ASPHD1: variants seen among roughly 807,000 people sequenced by gnomAD.
ASPHD1 encodes aspartate beta-hydroxylase domain-containing protein 1.
ASPHD1 carries 20 observed loss-of-function variants against 28.3 expected under a neutral mutation model. That is an observed-to-expected ratio of 0.71 (90% CI 0.50 to 1.03). The LOEUF is 1.03. ASPHD1 is among the 50% of genes least tolerant of loss of function. The probability of loss-of-function intolerance (pLI) is 0.00; values close to 1 mark genes in which losing one functional copy is unlikely to be tolerated. For missense variants in ASPHD1, 479 were observed against 524.1 expected (o/e 0.91, Z 0.84); for synonymous variants, 240 against 221.2 (o/e 1.08, Z -0.75).
chr16:29,907,991 AAG>A (rs574753177), downstream of ASPHD1, among the ~76,000 whole-genome samples: 3 of 151,260 alleles, frequency 2.0e-5, no homozygotes, highest in African/African-American at 7.3e-5. Context: ...AAAAAAAAAA[AAG>A]AGAGAGAGAG....
chr16:29,905,629 GAAAAAAAAAAAAAA>G (rs770029376), intron 2 of ASPHD1, among the ~76,000 whole-genome samples, 145 bp from the exon 3 acceptor site: 3 of 49,766 alleles, frequency 6.0e-5, no homozygotes, highest in African/African-American at 1.5e-4. Flanking sequence ...TCCATCTCAG[GAAAAAAAAAAAAAA>G]AAAAAAAAAA....
chr16:29,908,194 G>A (rs772072114), downstream of ASPHD1, among the ~76,000 whole-genome samples: 48 of 152,194 alleles, frequency 3.2e-4, no homozygotes, highest in Admixed American at 1.2e-3. Flanking sequence ...CAGGGCCAGC[G>A]TGAGAGCTGT....
At chr16:29,907,777 C>A (rs1401797929), downstream of ASPHD1, among the ~76,000 whole-genome samples, 2 of 151,616 alleles carry the variant, frequency 1.3e-5, no homozygotes, top group Non-Finnish European at 2.9e-5. Flanking sequence ...GACAGTGAGA[C>A]CCCATCTCAA....
At chr16:29,912,668 G>A (rs1422784617) in intron 3 of ASPHD1, among the ~76,000 whole-genome samples, 5 of 152,304 alleles carry the variant, frequency 3.3e-5, no homozygotes, top group African/African-American at 1.2e-4. Flanking sequence ...ATGAACTCCC[G>A]AACTCAGGTG....
At chr16:29,907,000 C>T (rs2068624920), downstream of ASPHD1, 1 of 1,614,210 alleles carries the variant, frequency 6.2e-7, no homozygotes, top group Non-Finnish European at 8.5e-7. Flanking sequence ...CCACCAGCTC[C>T]AGCTGCTCCC....
At chr16:29,911,143 G>A (rs772406021) in intron 3 of ASPHD1, 23 of 1,614,120 alleles carry the variant, frequency 1.4e-5, no homozygotes, top group Non-Finnish European at 1.8e-5. Context: ...CGAACAGCTC[G>A]ATGTTCTTAA....
At position 29,901,337 on chromosome 16, in the gene ASPHD1, C is replaced by A. The variant is rs1451671928; in HGVS notation, c.366C>A (p.Cys122Ter). Residue 122 changes from cysteine to a stop codon, truncating the protein, a stop_gained, in exon 1 of 3, where the codon TGC becomes TGA. Coordinates refer to ENST00000308748, the MANE Select transcript of ASPHD1 (RefSeq NM_181718.4). LOFTEE classifies it high-confidence loss of function. This position sits in a 1 kb window ranked among gnomAD's most constrained non-coding sequence, Gnocchi z 5.1. Reference protein sequence around the residue: ...AGGVRGGPVGCSEAGGPSPGG... With the variant: ...AGGVRGGPVG The stretch of plus-strand genomic sequence containing the variant: ...GTGTTCGTGGTGGGCCTGTGGGATG[C>A]TCGGAGGCCGGCGGGCCAAGCCCAG... 1 of 1,604,714 alleles carries A rather than the reference C, an allele frequency of 6.2e-7. No homozygotes were observed. The highest frequency in any genetic ancestry group is 8.5e-7 in the Non-Finnish European group (1 of 1,176,274).
At chr16:29,904,276 T>C (rs1015403147) in intron 1 of ASPHD1, among the ~76,000 whole-genome samples, 4 of 151,602 alleles carry the variant, frequency 2.6e-5, no homozygotes, top group African/African-American at 9.7e-5. Context: ...CGAAACCCCA[T>C]CTCTACTAAA....
chr16:29,911,441 AT>A, intron 3 of ASPHD1: 2 of 557,344 alleles, frequency 3.6e-6, no homozygotes, highest in Middle Eastern at 4.8e-4. Flanking sequence ...TGGTGTCCCC[AT>A]TTTTTAACTG....
chr16:29,901,511 G>T lies in ASPHD1; in HGVS notation c.540G>T (p.Gly180=). The change falls in exon 1 of 3, where the codon GGG becomes GGT. Residue 180 remains glycine, a synonymous_variant. Coordinates refer to ENST00000308748, the MANE Select transcript of ASPHD1 (RefSeq NM_181718.4). This position sits in a 1 kb window ranked among gnomAD's most constrained non-coding sequence, Gnocchi z 5.1. ...GCCCAGGCCCTGGGAGAGGGCCAGG[G>T]GTCCTAGGTATTCAGCGCCCAGGCC... ...QGGPGPGRGP[G]VLGIQRPGLL... The T allele has an allele frequency of 6.3e-7, 1 of 1,594,202 alleles. No individual in the cohort carries two copies.
intron 1 of ASPHD1, among the ~76,000 whole-genome samples, chr16:29,904,619 A>G (rs1381002595): frequency 6.6e-6 from 1 of 151,572 alleles, no homozygotes; most frequent in African/African-American, 2.4e-5. Context: ...TCTCAAAAAA[A>G]AAAAAAAAAA....
At chr16:29,912,014 G>A (rs760333688) in intron 3 of ASPHD1, 19 of 1,611,424 alleles carry the variant, frequency 1.2e-5, no homozygotes, top group Non-Finnish European at 1.6e-5. Flanking sequence ...TCACCATGGG[G>A]ATGAGGCACA....
intron 2 of ASPHD1, 72 bp downstream of exon 2, chr16:29,905,037 G>C: frequency 8.7e-7 from 1 of 1,150,132 alleles, no homozygotes; most frequent in Non-Finnish European, 1.3e-6. Flanking sequence ...GAAGGCAGCA[G>C]AATCAGGCCC....
At chr16:29,909,530 C>G (rs1016793000), downstream of ASPHD1, among the ~76,000 whole-genome samples, 4 of 152,090 alleles carry the variant, frequency 2.6e-5, no homozygotes, top group African/African-American at 9.7e-5. Context: ...TGATTTCCAG[C>G]CCGGTACAGT....
chr16:29,918,761 G>A (rs1392180816), intron 3 of ASPHD1, among the ~76,000 whole-genome samples: 2 of 152,060 alleles, frequency 1.3e-5, no homozygotes, highest in Admixed American at 6.6e-5. Flanking sequence ...AGGTTCAAGC[G>A]ATTCTCCTGC....
intron 2 of ASPHD1, 145 bp from the exon 3 acceptor site, chr16:29,905,643 A>AG (rs2150830285): frequency 2.2e-6 from 1 of 457,780 alleles, no homozygotes; most frequent in East Asian, 3.8e-5. Context: ...AAAAAAAAAA[A>AG]AAAAAAAAAA....
intron 3 of ASPHD1, chr16:29,911,638 G>C (rs1370446684): frequency 1.3e-5 from 8 of 631,270 alleles, no homozygotes; most frequent in South Asian, 1.1e-4. Flanking sequence ...CTGAGCTGAA[G>C]CTGAGAAGCA....
chr16:29,909,284 A>AC (rs1171917948), downstream of ASPHD1, among the ~76,000 whole-genome samples: 9 of 152,184 alleles, frequency 5.9e-5, no homozygotes, highest in Non-Finnish European at 1.0e-4. Context: ...AGTGAAGGTG[A>AC]CCCAAAGAAA....
rs1340502100 is a variant in ASPHD1 at position 29,900,566 on chromosome 16, G to A, written c.-406G>A. On this transcript the variant is annotated 5_prime_UTR_variant, in exon 1 of 3. Transcript: ENST00000308748. The stretch of plus-strand genomic sequence containing the variant: ...GGGCTCCGGGAAGGAGTGACGTCAG[G>A]GTGAGTGGGAGCCCAGGAAGGAGCG... 4 of 216,076 alleles carry A rather than the reference G, an allele frequency of 1.9e-5. No homozygotes were observed. Among genetic ancestry groups the A allele is most frequent in the Admixed American group, 1.6e-4 (3 of 19,272 alleles). 13.4% of individuals were successfully genotyped at this position (216,076 alleles called of 1,614,324 possible).
Sources: allele counts gnomAD v4.1 joint callset (sites outside exome capture counted in the v4.1 genomes callset), GRCh38; gene constraint gnomAD v4.1.1; non-coding constraint Gnocchi (gnomAD v3.1); transcripts MANE v1.5; gene names NCBI Gene and HGNC (gene_info 2026-07-23, HGNC 2026-07-21).